Variants in PFKFB4 observed in about 807,000 individuals in gnomAD.
PFKFB4 encodes the protein 6-phosphofructo-2-kinase/fructose-2,6-bisphosphatase 4.
Under a neutral mutation model 62.8 loss-of-function variants are expected in PFKFB4, and 42 were observed. The ratio of observed to expected loss-of-function variants is 0.67; its 90% CI spans 0.52 to 0.86. PFKFB4 has a LOEUF of 0.86. Ranked by LOEUF, PFKFB4 falls within the 40% of genes least tolerant of loss-of-function variation. PFKFB4 has a pLI of 0.00. For missense variants in PFKFB4, 475 were observed against 627.2 expected (o/e 0.76, Z 2.59); for synonymous variants, 204 against 240.7 (o/e 0.85, Z 1.41).
At chr3:48,540,254 A>C in intron 4 of PFKFB4, among the ~76,000 whole-genome samples, 2 of 152,362 alleles carry the variant, frequency 1.3e-5, no homozygotes, top group South Asian at 4.1e-4. Flanking sequence ...AGACATCAAC[A>C]CAATTCTGTC....
At position 48,543,657 on chromosome 3, in the gene PFKFB4, G is replaced by GA; in HGVS notation, c.312-12dup. 1 of 1,608,648 alleles carries GA rather than the reference G, an allele frequency of 6.2e-7. No homozygotes were observed. Among genetic ancestry groups the GA allele is most frequent in the Non-Finnish European group, 8.5e-7 (1 of 1,177,730 alleles). ...GCCAGGGCACACTGCCTTCAGGAGA[G>GA]AAAACACAGGGTCAGCCCAGCACCC... On this transcript the variant is annotated splice_polypyrimidine_tract_variant and intron_variant, in intron 3 of 13. Transcript: ENST00000232375.
Position 48,537,819 on chromosome 3 carries a change from C to T in PFKFB4, c.632+679G>A, listed in dbSNP as rs143884684. On this transcript the variant is annotated intron_variant, in intron 7 of 13. Transcript: ENST00000232375. ...GGATTACAGGCATAAGCCACTCTGC[C>T]CGGCCCGTATTACACAATCTTATAG... Among the ~76,000 whole-genome samples, 62 of 152,272 alleles carry T rather than the reference C, an allele frequency of 4.1e-4. 1 individual carries two copies. The highest frequency in any genetic ancestry group is 9.6e-4 in the African/African-American group (40 of 41,550).
rs765752628 is a variant in PFKFB4, at chr3:48,523,698, C to T, written c.1222+3G>A. 14 of 1,614,160 alleles carry T rather than the reference C, an allele frequency of 8.7e-6. No homozygotes were observed. Among genetic ancestry groups the T allele is most frequent in the South Asian group, 2.2e-5 (2 of 91,090 alleles). On this transcript the variant is annotated splice_donor_region_variant and intron_variant, in intron 11 of 13. Coordinates refer to ENST00000232375, the MANE Select transcript of PFKFB4 (RefSeq NM_004567.4). Reference sequence around the variant, plus strand: ...CCCACCTCCCCCGGGGCACAGCCCACACCTGCTGCCTTGTCGAGGAAGTAG... The same window carrying T: ...CCCACCTCCCCCGGGGCACAGCCCATACCTGCTGCCTTGTCGAGGAAGTAG...
At chr3:48,536,658 A>T in intron 7 of PFKFB4, 195 bp from the exon 8 acceptor site, 6 of 569,416 alleles carry the variant, frequency 1.1e-5, no homozygotes, top group Non-Finnish European at 1.6e-5. Flanking sequence ...ACGCACAGGC[A>T]AACCCTGTGG....
At chr3:48,561,133 C>G, upstream of PFKFB4, 2 of 1,273,654 alleles carry the variant, frequency 1.6e-6, no homozygotes, top group Non-Finnish European at 2.0e-6. This position sits in a 1 kb window ranked among gnomAD's most constrained non-coding sequence, Gnocchi z 5.2. Flanking sequence ...CCAAACTGGC[C>G]AGGGCCACTG....
Position 48,519,490 on chromosome 3 carries a change from A to G in PFKFB4, c.*257T>C. On this transcript the variant is annotated 3_prime_UTR_variant, in exon 14 of 14. Transcript: ENST00000232375. The stretch of plus-strand genomic sequence containing the variant: ...GCGCCGGAAGAAACTGGGGCTGGGC[A>G]ACCTCCGCGCAGCCCATGCAGATGC... 1 of 474,612 alleles carries G rather than the reference A, an allele frequency of 2.1e-6. No individual in the cohort carries two copies. The highest frequency in any genetic ancestry group is 3.8e-6 in the Non-Finnish European group (1 of 263,428). The allele number at this position is 474,612 out of a possible 1,614,324, so 29.4% of individuals were successfully genotyped here. A position where few individuals can be genotyped will look rare whatever the true frequency, so the allele number is the denominator to read the frequency against.
chr3:48,541,687 C>G (rs1006741406), intron 4 of PFKFB4, among the ~76,000 whole-genome samples: 1 of 152,066 alleles, frequency 6.6e-6, no homozygotes, highest in Non-Finnish European at 1.5e-5. Flanking sequence ...AAATTTGGGC[C>G]GGGTGCAGTG....
chr3:48,559,603 C>CA (rs751248012), upstream of PFKFB4: 2 of 456,856 alleles, frequency 4.4e-6, no homozygotes, highest in Non-Finnish European at 8.8e-6. Context: ...CTCTGGCCCT[C>CA]ATGGCTTTTT....
rs956967454 is a variant in PFKFB4 at position 48,553,107 on chromosome 3, G to A, written c.98-2873C>T. On this transcript the variant is annotated intron_variant, in intron 1 of 13. Coordinates refer to ENST00000232375, the MANE Select transcript of PFKFB4 (RefSeq NM_004567.4). Reference sequence around the variant, plus strand: ...TCAAAACAGAGCACGTGGACTAAGCGGGCTGGGTGCACGGCTGCACCTGTG... The same window carrying A: ...TCAAAACAGAGCACGTGGACTAAGCAGGCTGGGTGCACGGCTGCACCTGTG... 3.3e-5 allele frequency among the ~76,000 whole-genome samples: 5 copies of A among 152,192 alleles called. No individual in the cohort carries two copies. The East Asian group carries it at 7.7e-4, about 23-fold the overall frequency.
Position 48,519,604 on chromosome 3 carries a change from G to T in PFKFB4, c.*143C>A, listed in dbSNP as rs903886121. ...AACAAAGAGCCAGGTGGGCTGGGGT[G>T]GGGGCTCTGGGTTCCGCCAGCCATG... On this transcript the variant is annotated 3_prime_UTR_variant, in exon 14 of 14. Coordinates refer to ENST00000232375, the MANE Select transcript of PFKFB4 (RefSeq NM_004567.4). 4 of 666,074 alleles carry T rather than the reference G, an allele frequency of 6.0e-6. No individual in the cohort carries two copies. Among genetic ancestry groups the T allele is most frequent in the Non-Finnish European group, 1.1e-5 (4 of 375,490 alleles). 41.3% of individuals were successfully genotyped at this position (666,074 alleles called of 1,614,324 possible). A position where few individuals can be genotyped will look rare whatever the true frequency, so the allele number is the denominator to read the frequency against.
intron 1 of PFKFB4, among the ~76,000 whole-genome samples, chr3:48,555,334 G>T (rs1271292031): frequency 6.6e-6 from 1 of 152,114 alleles, no homozygotes; most frequent in Non-Finnish European, 1.5e-5. Flanking sequence ...CTCACAGTGT[G>T]GCCAGAAATA....
upstream of PFKFB4, among the ~76,000 whole-genome samples, chr3:48,557,219 C>T (rs181594874): frequency 1.3e-5 from 2 of 152,328 alleles, no homozygotes; most frequent in Non-Finnish European, 2.9e-5. Context: ...AATTCTGCTA[C>T]CTCCTTGCTA....
At chr3:48,539,651 G>A (rs748644739) in intron 5 of PFKFB4, 46 bp downstream of exon 5, 3 of 1,481,934 alleles carry the variant, frequency 2.0e-6, no homozygotes, top group South Asian at 2.3e-5. Flanking sequence ...GGAGGGCAGG[G>A]GACATGCCAC....
chr3:48,552,524 A>G (rs963508507), intron 1 of PFKFB4, among the ~76,000 whole-genome samples: 4 of 152,250 alleles, frequency 2.6e-5, no homozygotes, highest in African/African-American at 9.6e-5. Context: ...CTAAGGTGAG[A>G]GGAAAACAAG....
chr3:48,536,230 G>T, intron 8 of PFKFB4, 26 bp downstream of exon 8: 2 of 1,597,946 alleles, frequency 1.3e-6, no homozygotes, highest in Non-Finnish European at 8.6e-7. Flanking sequence ...AGGCCCGTGT[G>T]CGCACGCAGG....
chr3:48,543,188 T>G (rs1375341801), intron 4 of PFKFB4, among the ~76,000 whole-genome samples: 1 of 152,178 alleles, frequency 6.6e-6, no homozygotes, highest in South Asian at 2.1e-4. Context: ...AACACACAGG[T>G]GGAATCCCCT....
chr3:48,543,788 C>T, intron 3 of PFKFB4, 142 bp from the exon 4 acceptor site: 1 of 695,282 alleles, frequency 1.4e-6, no homozygotes, highest in South Asian at 1.6e-5. Context: ...TTTCCCTTCT[C>T]TTTCCTTAGG....
At chr3:48,557,122 G>C, upstream of PFKFB4, 2 of 405,684 alleles carry the variant, frequency 4.9e-6, no homozygotes, top group Non-Finnish European at 7.6e-6. Context: ...CGCAAACTCA[G>C]CTCTCCCAAC....
intron 1 of PFKFB4, among the ~76,000 whole-genome samples, chr3:48,555,663 G>A (rs2043290831): frequency 6.6e-6 from 1 of 152,130 alleles, no homozygotes; most frequent in Non-Finnish European, 1.5e-5. Context: ...GGAAGGCCGA[G>A]GCCAGAGGAT....
Sources: allele counts gnomAD v4.1 joint callset (sites outside exome capture counted in the v4.1 genomes callset), GRCh38; gene constraint gnomAD v4.1.1; non-coding constraint Gnocchi (gnomAD v3.1); transcripts MANE v1.5; gene names NCBI Gene and HGNC (gene_info 2026-07-23, HGNC 2026-07-21).